RUFY2: variants seen among roughly 807,000 people sequenced by gnomAD.
RUFY2 encodes the protein RUN and FYVE domain containing 2, also known as RUN and FYVE domain-containing protein 2.
RUFY2 carries 49 observed loss-of-function variants against 94.4 expected under a neutral mutation model. The observed-to-expected ratio is 0.52, with a 90% CI of 0.41 to 0.66. RUFY2 has a LOEUF of 0.66. Among genes scored for constraint, RUFY2 ranks in the 30% least tolerant of loss-of-function variants. The probability of loss-of-function intolerance (pLI) is 0.00; values close to 1 mark genes in which losing one functional copy is unlikely to be tolerated. For missense variants in RUFY2, 541 were observed against 692.8 expected (o/e 0.78, Z 2.46); for synonymous variants, 255 against 235.7 (o/e 1.08, Z -0.75).
intron 13 of RUFY2, among the ~76,000 whole-genome samples, chr10:68,365,578 A>G (rs913936539): frequency 2.0e-5 from 3 of 152,240 alleles, no homozygotes; most frequent in Non-Finnish European, 4.4e-5. Context: ...AAAATTGGGC[A>G]AAGAATTAGC....
chr10:68,361,860 G>A (rs1384632722), intron 15 of RUFY2, among the ~76,000 whole-genome samples: 3 of 152,212 alleles, frequency 2.0e-5, no homozygotes, highest in Non-Finnish European at 4.4e-5. Context: ...AGAATTGTTT[G>A]AGGTTAGTTA....
intron 10 of RUFY2, among the ~76,000 whole-genome samples, chr10:68,383,356 C>T (rs910838120): frequency 5.4e-5 from 8 of 147,810 alleles, no homozygotes; most frequent in Admixed American, 2.0e-4. Context: ...CAGTGGCTCA[C>T]GCCTGTAATC....
chr10:68,405,785 A>G (rs1304773771), intron 1 of RUFY2: 1 of 837,606 alleles, frequency 1.2e-6, no homozygotes, highest in Non-Finnish European at 1.4e-6. Context: ...AAGAGAAAAT[A>G]AAAGCAGAGA....
At position 68,386,115 on chromosome 10, in the gene RUFY2, T is replaced by C; in HGVS notation, c.664A>G (p.Ser222Gly). The C allele has an allele frequency of 6.2e-7, 1 of 1,610,880 alleles. No individual in the cohort carries two copies. The highest frequency in any genetic ancestry group is 8.5e-7 in the Non-Finnish European group (1 of 1,178,904). ...AATGAATCAACTCTTGAATGGAGGC[T>C]GCTGACTGTGCTGCTGAAATTAAGA... Reference protein sequence around the residue: ...LNRQLNSTVSSLHSRVDSLEK... With the variant: ...LNRQLNSTVSGLHSRVDSLEK... The change falls in exon 8 of 18, where the codon AGC becomes GGC. Residue 222 changes from serine to glycine, a missense_variant. Around this residue, in one of 3 missense-constraint regions of RUFY2, gnomAD observed 403 missense variants for 480.7 expected, o/e 0.84. Transcript: ENST00000602465.
At position 68,402,854 on chromosome 10, in the gene RUFY2, T is replaced by A. The variant is rs866163963; in HGVS notation, c.179-1117A>T. Among the ~76,000 whole-genome samples the A allele has an allele frequency of 2.3e-3, 292 of 127,446 alleles. 1 individual carries two copies. Among genetic ancestry groups the A allele is most frequent in the African/African-American group, 7.7e-3 (276 of 35,768 alleles). The allele number at this position is 127,446 out of a possible 152,430, so 83.6% of individuals were successfully genotyped here. On this transcript the variant is annotated intron_variant, in intron 2 of 17. Transcript: ENST00000602465. Reference sequence around the variant, plus strand: ...CAAGCCATATCTTTTTTTTTTTTTTTTTTTTTTGAGACAGAGTCTCACTCT... The same window carrying A: ...CAAGCCATATCTTTTTTTTTTTTTTATTTTTTTGAGACAGAGTCTCACTCT...
At chr10:68,368,761 A>G (rs1334004188) in intron 13 of RUFY2, among the ~76,000 whole-genome samples, 2 of 152,176 alleles carry the variant, frequency 1.3e-5, no homozygotes, top group Non-Finnish European at 2.9e-5. Context: ...GAGTTACCTC[A>G]GGTTTCTTTT....
intron 7 of RUFY2, 29 bp from the exon 8 acceptor site, chr10:68,386,157 CA>C: frequency 6.3e-7 from 1 of 1,577,330 alleles, no homozygotes; most frequent in Non-Finnish European, 8.7e-7. Flanking sequence ...AAAACTCATT[CA>C]AAATCACACG....
intron 13 of RUFY2, among the ~76,000 whole-genome samples, chr10:68,375,977 G>A (rs1327105456): frequency 6.6e-6 from 1 of 151,836 alleles, no homozygotes; most frequent in Non-Finnish European, 1.5e-5. Context: ...GCACAAGCCT[G>A]TAGTCCCAGC....
chr10:68,345,713 ACAT>A lies in RUFY2; in HGVS notation c.*52_*54del. 1.3e-6 allele frequency: 2 copies of A among 1,542,426 alleles called. No individual in the cohort carries two copies. The highest frequency in any genetic ancestry group is 3.6e-5 in the Admixed American group (2 of 55,324). On this transcript the variant is annotated 3_prime_UTR_variant, in exon 18 of 18. Coordinates refer to ENST00000602465, the MANE Select transcript of RUFY2 (RefSeq NM_001330103.2). The stretch of plus-strand genomic sequence containing the variant: ...AGCTGTCTGGTTACCTTTGTATACA[ACAT>A]CATAACATTCATTGTAGGTAATTTC...
At chr10:68,392,751 T>G (rs932702523) in intron 7 of RUFY2, among the ~76,000 whole-genome samples, 2 of 143,502 alleles carry the variant, frequency 1.4e-5, no homozygotes, top group East Asian at 2.0e-4. Flanking sequence ...TGAAACCCCG[T>G]CTCTACTAAA....
At chr10:68,390,717 C>T (rs1564838232) in intron 7 of RUFY2, among the ~76,000 whole-genome samples, 2 of 151,980 alleles carry the variant, frequency 1.3e-5, no homozygotes, top group Non-Finnish European at 2.9e-5. Context: ...TCGCCTCAGC[C>T]TCAAAGTAGC....
At chr10:68,383,951 T>C (rs2049286186) in intron 9 of RUFY2, 37 bp from the exon 10 acceptor site, 1 of 1,568,536 alleles carries the variant, frequency 6.4e-7, no homozygotes, top group Admixed American at 1.7e-5. Flanking sequence ...CTATAATCAC[T>C]ACTATTAATA....
At chr10:68,392,525 TG>T (rs1214705551) in intron 7 of RUFY2, among the ~76,000 whole-genome samples, 1 of 152,188 alleles carries the variant, frequency 6.6e-6, no homozygotes, top group African/African-American at 2.4e-5. Context: ...AATGAATTTC[TG>T]AACCATCAAA....
intron 13 of RUFY2, among the ~76,000 whole-genome samples, chr10:68,369,109 G>A (rs2048068233): frequency 6.6e-6 from 1 of 152,168 alleles, no homozygotes; most frequent in Non-Finnish European, 1.5e-5. Flanking sequence ...ACCCCCAGCA[G>A]TAATAAGGCA....
At chr10:68,378,051 C>T in intron 12 of RUFY2, 1 of 985,382 alleles carries the variant, frequency 1.0e-6, no homozygotes, top group Non-Finnish European at 1.2e-6. Context: ...GTGAGGTAGG[C>T]CTTGAAGTTG....
chr10:68,341,299 AAAT>A, downstream of RUFY2: 1 of 1,599,580 alleles, frequency 6.3e-7, no homozygotes, highest in Non-Finnish European at 8.5e-7. Context: ...CTAAAGATAA[AAAT>A]AACATGCGTA....
chr10:68,366,761 A>ATATATATATATAT (rs1564801460), intron 13 of RUFY2, among the ~76,000 whole-genome samples: 18 of 120,736 alleles, frequency 1.5e-4, no homozygotes, highest in African/African-American at 5.2e-4. Flanking sequence ...TATATATATA[A>ATATATATATATAT]TATTAAATAT....
At chr10:68,386,155 T>C (rs751261664) in intron 7 of RUFY2, 27 bp from the exon 8 acceptor site, 61 of 1,586,132 alleles carry the variant, frequency 3.8e-5, no homozygotes, top group African/African-American at 1.8e-4. Flanking sequence ...AAAAAACTCA[T>C]TCAAAATCAC....
chr10:68,387,772 A>C (rs2049622441), intron 7 of RUFY2, among the ~76,000 whole-genome samples: 1 of 123,982 alleles, frequency 8.1e-6, no homozygotes, highest in South Asian at 3.3e-4. Context: ...TGGGAGGCCG[A>C]GGCGGGCAGA....
Sources: gnomAD v4.1 joint callset for allele counts (sites outside exome capture counted in the v4.1 genomes callset) on GRCh38, gnomAD v4.1.1 for gene constraint, gnomAD v4.1.1 regional missense constraint, MANE v1.5 for transcripts, NCBI Gene and HGNC (gene_info 2026-07-23, HGNC 2026-07-21) for gene names.